The following EXOC2 variants were observed in gnomAD, a reference collection of about 807,000 sequenced individuals.
EXOC2 encodes exocyst complex component 2, also known as SEC5-like 1.
A neutral mutation model predicts 131.8 loss-of-function variants in EXOC2; 70 were observed. The observed-to-expected ratio is 0.53, with a 90% confidence interval of 0.44 to 0.65. The LOEUF (loss-of-function observed/expected upper bound fraction) is 0.65, where lower values mean the gene tolerates loss of function less well. Among genes scored for constraint, EXOC2 ranks in the 30% least tolerant of loss-of-function variants. EXOC2 has a pLI of 0.00. For synonymous variants in EXOC2, 411 were observed against 398.4 expected, an observed-to-expected ratio of 1.03 and a Z score of -0.38; for missense variants, 923 against 1,108.6, an observed-to-expected ratio of 0.83 and a Z score of 2.38.
Position 580,721 on chromosome 6 carries a change from C to T in EXOC2, c.1193-3839G>A, listed in dbSNP as rs114504972. On this transcript the variant is annotated intron_variant, in intron 11 of 27. Transcript: ENST00000230449. ...GCACTAACCTATCCTGTAAAATATA[C>T]CTGTAAAGATTAGGGCTTTATACTA... Among the ~76,000 whole-genome samples, 570 of 152,110 alleles carry T rather than the reference C, an allele frequency of 3.7e-3. 5 individuals are homozygous for T. The Middle Eastern group carries it at 0.054, about 15-fold the overall frequency.
intron 22 of EXOC2, among the ~76,000 whole-genome samples, chr6:536,997 C>A (rs1001443223): frequency 1.3e-5 from 2 of 152,120 alleles, no homozygotes; most frequent in African/African-American, 2.4e-5. Flanking sequence ...AACAGCACTT[C>A]AAGAAAGAAG....
chr6:499,700 C>A lies in EXOC2; in HGVS notation c.2381G>T (p.Gly794Val). The part of the protein sequence containing the change: ...FDWKDCLPPT[G>V]VRNYLKEALV... The stretch of plus-strand genomic sequence containing the variant: ...TGCTTCTTTTAAATAGTTTCTGACA[C>A]CTGAAATTGAAATAAAGGAGAGAAA... Residue 794 changes from glycine (G) to valine (V), a missense_variant and splice_region_variant, in exon 24 of 28, where the codon GGT becomes GTT. By Grantham distance (109) the Gly-to-Val change is moderately radical. Coordinates refer to ENST00000230449, the MANE Select transcript of EXOC2 (RefSeq NM_018303.6). 6.2e-7 allele frequency: 1 copy of A among 1,612,954 alleles called. No homozygotes were observed. Among genetic ancestry groups the A allele is most frequent in the Non-Finnish European group, 8.5e-7 (1 of 1,179,282 alleles).
At chr6:687,501 G>A (rs528918016) in intron 1 of EXOC2, among the ~76,000 whole-genome samples, 9 of 152,140 alleles carry the variant, frequency 5.9e-5, no homozygotes, top group African/African-American at 2.2e-4. Flanking sequence ...ATATTTATTT[G>A]TATCTTTACC....
intron 17 of EXOC2, among the ~76,000 whole-genome samples, chr6:559,269 C>T (rs764088364): frequency 5.9e-5 from 9 of 152,086 alleles, no homozygotes; most frequent in East Asian, 1.9e-4. Flanking sequence ...ATGCCTCAGC[C>T]GAGGGACAGT....
At chr6:499,838 A>G (rs1312264733) in intron 23 of EXOC2, 138 bp from the exon 24 acceptor site, 5 of 651,244 alleles carry the variant, frequency 7.7e-6, no homozygotes, top group Non-Finnish European at 1.4e-5. Context: ...TCCTTTTGAG[A>G]ATCAAATGGT....
At chr6:560,213 A>G (rs551320588) in intron 17 of EXOC2, among the ~76,000 whole-genome samples, 2 of 152,322 alleles carry the variant, frequency 1.3e-5, no homozygotes, top group South Asian at 4.1e-4. Flanking sequence ...ACAGTATCTC[A>G]TTGTATCCTA....
At chr6:589,335 C>T (rs1150832) in intron 11 of EXOC2, among the ~76,000 whole-genome samples, 14,003 of 151,246 alleles carry the variant, frequency 0.093, 1,109 homozygotes, top group African/African-American at 0.22. Flanking sequence ...AGCACCTGCA[C>T]GGTGTCTGGA....
intron 2 of EXOC2, among the ~76,000 whole-genome samples, chr6:635,956 G>C (rs987147330): frequency 1.3e-5 from 2 of 152,252 alleles, no homozygotes; most frequent in African/African-American, 4.8e-5. Flanking sequence ...CCAGCTACTG[G>C]GGAGGCTGAG....
At chr6:651,336 T>A (rs562751145) in intron 1 of EXOC2, among the ~76,000 whole-genome samples, 1 of 151,994 alleles carries the variant, frequency 6.6e-6, no homozygotes, top group Admixed American at 6.5e-5. Flanking sequence ...CCCGGCCGTG[T>A]TCTCCATTTT....
chr6:611,118 G>C (rs1760692513), intron 6 of EXOC2, among the ~76,000 whole-genome samples: 1 of 152,220 alleles, frequency 6.6e-6, no homozygotes, highest in African/African-American at 2.4e-5. Context: ...AAAGGAGATG[G>C]ACTATGCCTA....
chr6:569,560 C>T (rs1000610612), intron 13 of EXOC2, among the ~76,000 whole-genome samples: 1 of 152,204 alleles, frequency 6.6e-6, no homozygotes, highest in Non-Finnish European at 1.5e-5. Context: ...AGCCCCAGAA[C>T]TCTTCCCAGA....
At chr6:547,894 GAT>G (rs1756947499) in intron 22 of EXOC2, among the ~76,000 whole-genome samples, 1 of 152,180 alleles carries the variant, frequency 6.6e-6, no homozygotes, top group Non-Finnish European at 1.5e-5. Context: ...ACTTCTTAGT[GAT>G]ATAAAGTGAA....
At chr6:644,513 C>T (rs765318870) in intron 1 of EXOC2, among the ~76,000 whole-genome samples, 1 of 151,592 alleles carries the variant, frequency 6.6e-6, no homozygotes, top group South Asian at 2.1e-4. Flanking sequence ...TGCAATAGGG[C>T]GAATTAAAGA....
chr6:614,782 A>G (rs916245529), intron 6 of EXOC2, among the ~76,000 whole-genome samples: 20 of 152,298 alleles, frequency 1.3e-4, no homozygotes, highest in African/African-American at 4.8e-4. Flanking sequence ...TACTATATCA[A>G]ATAGTGGACC....
At chr6:681,814 T>C (rs1764416265) in intron 1 of EXOC2, among the ~76,000 whole-genome samples, 1 of 152,248 alleles carries the variant, frequency 6.6e-6, no homozygotes, top group South Asian at 2.1e-4. Flanking sequence ...CAAGGTACTG[T>C]GGTTCTACAG....
At chr6:683,646 C>T (rs1324310841) in intron 1 of EXOC2, among the ~76,000 whole-genome samples, 1 of 152,216 alleles carries the variant, frequency 6.6e-6, no homozygotes, top group Non-Finnish European at 1.5e-5. Flanking sequence ...CTCCCAGGTT[C>T]TTTTATATGA....
chr6:487,739 T>C (rs973261819), intron 27 of EXOC2, among the ~76,000 whole-genome samples: 8 of 152,138 alleles, frequency 5.3e-5, no homozygotes, highest in Non-Finnish European at 1.0e-4. Flanking sequence ...GGAAGGATCT[T>C]AGAGTTTTCC....
At chr6:685,790 C>G (rs140937458) in intron 1 of EXOC2, among the ~76,000 whole-genome samples, 2 of 151,370 alleles carry the variant, frequency 1.3e-5, no homozygotes, top group South Asian at 4.2e-4. Flanking sequence ...GCAGAAGACT[C>G]GCTGGGTCTC....
At chr6:687,332 C>T (rs1312342196) in intron 1 of EXOC2, among the ~76,000 whole-genome samples, 1 of 151,752 alleles carries the variant, frequency 6.6e-6, no homozygotes, top group Admixed American at 6.6e-5. Context: ...AGACATGTAC[C>T]ACCACACTCG....
Sources: gnomAD v4.1 joint callset for allele counts (sites outside exome capture counted in the v4.1 genomes callset) on GRCh38, gnomAD v4.1.1 for gene constraint, MANE v1.5 for transcripts, NCBI Gene and HGNC (gene_info 2026-07-23, HGNC 2026-07-21) for gene names.